Variants in PCNX3 observed in about 807,000 individuals in gnomAD.
The protein encoded by PCNX3 is pecanex 3, also known as pecanex-like protein 3.
A neutral mutation model predicts 207.2 loss-of-function variants in PCNX3; 58 were observed. The observed-to-expected ratio is 0.28, with a 90% CI of 0.23 to 0.35. The LOEUF is 0.35. Ranked by LOEUF, PCNX3 falls within the 10% of genes least tolerant of loss-of-function variation. The pLI is 1.00. For synonymous variants in PCNX3, 1,337 were observed against 1,183.5 expected (o/e 1.13, Z -2.66); for missense variants, 2,410 against 2,774.4 (o/e 0.87, Z 2.95).
Position 65,617,451 on chromosome 11 carries a change from T to C in PCNX3, c.442-19T>C, listed in dbSNP as rs1854803094. On this transcript the variant is annotated intron_variant, in intron 3 of 34. Transcript: ENST00000355703. ...ACTTCTTGCCTTGTTTGTTCCTTCA[T>C]GGCTCTCTGTCTACTCAGGAGCTGC... 1.2e-6 allele frequency: 2 copies of C among 1,613,950 alleles called. No individual in the cohort carries two copies. The highest frequency in any genetic ancestry group is 1.1e-5 in the South Asian group (1 of 91,072).
In PCNX3 at chr11:65,636,468, C is replaced by T; in HGVS notation, c.5671C>T (p.Pro1891Ser). Reference protein sequence around the residue: ...SSLSGSGDGRPPPLLQWPPPR... With the variant: ...SSLSGSGDGRSPPLLQWPPPR... ...CCTGAGTGGCTCTGGTGATGGGCGG[C>T]CCCCACCTCTGCTGCAGTGGCCTCC... Residue 1891 changes from proline (P) to serine (S), a missense_variant, in exon 34 of 35, where the codon CCC becomes TCC. Pro to Ser is a moderately conservative substitution (Grantham distance 74). Transcript: ENST00000355703. 6.4e-7 allele frequency: 1 copy of T among 1,562,192 alleles called. No homozygotes were observed. Among genetic ancestry groups the T allele is most frequent in the Non-Finnish European group, 8.7e-7 (1 of 1,155,818 alleles).
chr11:65,626,239 T>G, intron 20 of PCNX3, 185 bp downstream of exon 20: 1 of 849,082 alleles, frequency 1.2e-6, no homozygotes, highest in Non-Finnish European at 1.9e-6. Context: ...CCGACTCTTC[T>G]CCTCGTGCCC....
intron 27 of PCNX3, among the ~76,000 whole-genome samples, chr11:65,630,939 T>C (rs1364793416): frequency 6.6e-6 from 1 of 152,228 alleles, no homozygotes; most frequent in Non-Finnish European, 1.5e-5. Flanking sequence ...AGCTAACAGT[T>C]GTCACGTTAA....
Position 65,615,901 on chromosome 11 carries a change from C to A in PCNX3, c.-411C>A, listed in dbSNP as rs933932085. The A allele has an allele frequency of 4.5e-5, 7 of 154,084 alleles. No homozygotes were observed. Among genetic ancestry groups the A allele is most frequent in the South Asian group, 2.0e-4 (1 of 4,890 alleles). The allele number at this position is 154,084 out of a possible 1,614,324, so 9.5% of individuals were successfully genotyped here. Reference sequence around the variant, plus strand: ...TGACCTGCGACCCCGAAAGTGGACCCCAGATCCTGGGGTTCTCCCTGGTCC... The same window carrying A: ...TGACCTGCGACCCCGAAAGTGGACCACAGATCCTGGGGTTCTCCCTGGTCC... On this transcript the variant is annotated 5_prime_UTR_variant, in exon 1 of 35. Coordinates refer to ENST00000355703, the MANE Select transcript of PCNX3 (RefSeq NM_032223.4).
At chr11:65,633,417 A>G (rs6591183) in intron 27 of PCNX3, among the ~76,000 whole-genome samples, 80,259 of 151,960 alleles carry the variant, frequency 0.53, 21,544 homozygotes, top group South Asian at 0.56. Flanking sequence ...TGACCCAGGC[A>G]CTCTGAGGCA....
Position 65,630,484 on chromosome 11 carries a change from G to A in PCNX3, c.4350G>A (p.Leu1450=), listed in dbSNP as rs763075432. ...ATGCTGCCTTTGGGCAGCGCTGGCT[G>A]GCTTGGGAGGTAACAGCCAGCAAGT... is the stretch of plus-strand genomic sequence containing the variant. ...SFNAAFGQRW[L]AWEVTASKYV... Residue 1450 remains leucine (L), a synonymous_variant, in exon 27 of 35, where the codon CTG becomes CTA. Coordinates refer to ENST00000355703, the MANE Select transcript of PCNX3 (RefSeq NM_032223.4). 7.4e-5 allele frequency: 120 copies of A among 1,613,474 alleles called. No homozygotes were observed. Among genetic ancestry groups the A allele is most frequent in the Non-Finnish European group, 8.8e-5 (104 of 1,179,888 alleles).
Position 65,620,821 on chromosome 11 carries a change from G to A in PCNX3, c.2100-10G>A. ...CCGTGGGGGGATCCTGATGGCTGCT[G>A]TTCTCACAGGGACCGACACTCGCAT... On this transcript the variant is annotated splice_polypyrimidine_tract_variant and intron_variant, in intron 9 of 34. Transcript: ENST00000355703. The A allele has an allele frequency of 2.5e-6, 4 of 1,594,420 alleles. No individual in the cohort carries two copies. The highest frequency in any genetic ancestry group is 3.4e-6 in the Non-Finnish European group (4 of 1,171,640).
chr11:65,629,820 TC>T, intron 26 of PCNX3, 85 bp downstream of exon 26: 1 of 1,418,998 alleles, frequency 7.0e-7, no homozygotes, highest in Non-Finnish European at 9.6e-7. Flanking sequence ...GCGAAGGAGG[TC>T]CAGTCCAGCT....
In PCNX3 at chr11:65,635,132, G is replaced by A; in HGVS notation, c.4953+12G>A. ...TCAAGCTTCACCAGGTTGGGGAGGG[G>A]TGTGCCCAGCAGCATGGGCAGGTGG... On this transcript the variant is annotated intron_variant, in intron 30 of 34. Coordinates refer to ENST00000355703, the MANE Select transcript of PCNX3 (RefSeq NM_032223.4). This position sits in a 1 kb window ranked among gnomAD's most constrained non-coding sequence, Gnocchi z 9.9. 6.2e-7 allele frequency: 1 copy of A among 1,612,022 alleles called. No individual in the cohort carries two copies. Among genetic ancestry groups the A allele is most frequent in the Non-Finnish European group, 8.5e-7 (1 of 1,178,758 alleles).
chr11:65,630,592 C>T lies in PCNX3; in HGVS notation c.4458C>T (p.Thr1486=). 6.2e-7 allele frequency: 1 copy of T among 1,610,106 alleles called. No individual in the cohort carries two copies. Among genetic ancestry groups the T allele is most frequent in the Non-Finnish European group, 8.5e-7 (1 of 1,177,080 alleles). Residue 1486 remains threonine (T), a synonymous_variant, in exon 27 of 35, where the codon ACC becomes ACT. Coordinates refer to ENST00000355703, the MANE Select transcript of PCNX3 (RefSeq NM_032223.4). ...QVFDLRKILI[T]YYVKSIIYYV... is the part of the protein sequence containing the mutation. ...TCGACCTCCGCAAGATCCTCATCAC[C>T]TACTATGTCAAGGTACGGTGGGCAG... is the stretch of plus-strand genomic sequence containing the variant.
rs543687768 is a variant in PCNX3, at chr11:65,624,386, G to A, written c.2716+20G>A. The A allele has an allele frequency of 1.4e-5, 22 of 1,552,304 alleles. No individual in the cohort carries two copies. The highest frequency in any genetic ancestry group is 1.7e-6 in the Non-Finnish European group (2 of 1,147,380). Reference sequence around the variant, plus strand: ...CCACTGGTGAGGCTGGGGCAGGGATGAGGTGGCCCAGGAGAGTGAGTCCCC... The same window carrying A: ...CCACTGGTGAGGCTGGGGCAGGGATAAGGTGGCCCAGGAGAGTGAGTCCCC... On this transcript the variant is annotated intron_variant, in intron 14 of 34. Coordinates refer to ENST00000355703, the MANE Select transcript of PCNX3 (RefSeq NM_032223.4).
chr11:65,617,668 A>T lies in PCNX3; in HGVS notation c.539A>T (p.Asp180Val). The change falls in exon 5 of 35, where the codon GAC becomes GTC. Residue 180 changes from aspartate (D) to valine (V), a missense_variant. Physicochemically the swap from Asp to Val is radical, Grantham distance 152. Transcript: ENST00000355703. ...AACAATGTGATCGTGACTTCTGCCG[A>T]CCGAGAGATGCTGAAGCTCAGCTCG... ...GSNNVIVTSA[D>V]REMLKLSSQE... The T allele has an allele frequency of 6.3e-7, 1 of 1,585,820 alleles. No individual in the cohort carries two copies. Among genetic ancestry groups the T allele is most frequent in the Non-Finnish European group, 8.6e-7 (1 of 1,165,940 alleles).
chr11:65,623,505 T>C lies in PCNX3; in HGVS notation c.2372T>C (p.Leu791Pro), dbSNP rs1855220196. 6.2e-7 allele frequency: 1 copy of C among 1,611,354 alleles called. No homozygotes were observed. ...LALLDRTRGV[L>P]ENIFGVGLSS... is the part of the protein sequence containing the mutation. Reference sequence around the variant, plus strand: ...TGTCCCTGCAGGACGCGGGGAGTGCTGGAGAACATCTTCGGCGTGGGCCTG... The same window carrying C: ...TGTCCCTGCAGGACGCGGGGAGTGCCGGAGAACATCTTCGGCGTGGGCCTG... Residue 791 changes from leucine to proline, a missense_variant, in exon 12 of 35, where the codon CTG becomes CCG. Physicochemically the swap from Leu to Pro is moderately conservative, Grantham distance 98 (BLOSUM62 -3). Coordinates refer to ENST00000355703, the MANE Select transcript of PCNX3 (RefSeq NM_032223.4).
Position 65,622,379 on chromosome 11 carries a change from C to CA in PCNX3, c.2357+14dup, listed in dbSNP as rs761255085. Reference sequence around the variant, plus strand: ...CTCTGCTGGACCGGTGAGTGTCCCGCAGCCTTGGCCCCCAATTCTTGGAAA... The same window carrying CA: ...CTCTGCTGGACCGGTGAGTGTCCCGCAAGCCTTGGCCCCCAATTCTTGGAAA... On this transcript the variant is annotated intron_variant, in intron 11 of 34. Transcript: ENST00000355703. 12 of 1,587,084 alleles carry CA rather than the reference C, an allele frequency of 7.6e-6. No homozygotes were observed. Among genetic ancestry groups the CA allele is most frequent in the Non-Finnish European group, 8.5e-6 (10 of 1,169,724 alleles).
Position 65,634,239 on chromosome 11 carries a change from C to T in PCNX3, c.4584C>T (p.Pro1528=), listed in dbSNP as rs1219446787. 1 of 1,613,254 alleles carries T rather than the reference C, an allele frequency of 6.2e-7. No homozygotes were observed. Among genetic ancestry groups the T allele is most frequent in the African/African-American group, 1.3e-5 (1 of 75,068 alleles). The part of the protein sequence containing the change: ...VRVPGYADSD[P]TFSLSVDEDY... ...TGCCCGGCTATGCCGACTCGGATCCCACCTTCTCGCTGAGTGTGGATGAGG... is the reference window on the plus strand; with the variant it reads ...TGCCCGGCTATGCCGACTCGGATCCTACCTTCTCGCTGAGTGTGGATGAGG... Residue 1528 remains proline (P), a synonymous_variant, in exon 28 of 35, where the codon CCC becomes CCT. Coordinates refer to ENST00000355703, the MANE Select transcript of PCNX3 (RefSeq NM_032223.4).
chr11:65,631,492 A>G (rs1342348876), intron 27 of PCNX3, among the ~76,000 whole-genome samples: 1 of 152,142 alleles, frequency 6.6e-6, no homozygotes, highest in African/African-American at 2.4e-5. Flanking sequence ...CCCCATCTCT[A>G]CTAAAAATAC....
intron 9 of PCNX3, 27 bp from the exon 10 acceptor site, chr11:65,620,804 G>A (rs751722758): frequency 1.9e-6 from 3 of 1,589,462 alleles, no homozygotes; most frequent in South Asian, 2.3e-5. Flanking sequence ...GCCCGTGGGG[G>A]GATCCTGATG....
rs1855739280 is a variant in PCNX3, at chr11:65,634,375, AGGCTGCCACCTGG to A, written c.4701+25_4701+37del. 1 of 1,558,478 alleles carries A rather than the reference AGGCTGCCACCTGG, an allele frequency of 6.4e-7. No homozygotes were observed. The highest frequency in any genetic ancestry group is 1.2e-5 in the South Asian group (1 of 85,680). On this transcript the variant is annotated intron_variant, in intron 28 of 34. Transcript: ENST00000355703. ...CAGCCAGGTCAGGCTCCACTACCTG[AGGCTGCCACCTGG>A]GGCTGTGGGACCTGGGCTTCCCTGC...
At chr11:65,634,092 G>A in intron 27 of PCNX3, 34 bp from the exon 28 acceptor site, 2 of 1,582,368 alleles carry the variant, frequency 1.3e-6, no homozygotes, top group Non-Finnish European at 1.7e-6. Context: ...CCAGGGCCGG[G>A]ACCCCGGCCT....
Sources: allele counts gnomAD v4.1 joint callset (sites outside exome capture counted in the v4.1 genomes callset), GRCh38; gene constraint gnomAD v4.1.1; non-coding constraint Gnocchi (gnomAD v3.1); transcripts MANE v1.5; gene names NCBI Gene and HGNC (gene_info 2026-07-23, HGNC 2026-07-21).